Variants in RNF157 observed in about 807,000 individuals in gnomAD.
RNF157 encodes the protein E3 ubiquitin ligase RNF157.
In RNF157, 55 loss-of-function variants were observed where a neutral mutation model predicts 88.3. The ratio of observed to expected loss-of-function variants is 0.62; its 90% CI spans 0.50 to 0.78. The LOEUF is 0.78. Ranked by LOEUF, RNF157 falls within the 30% of genes least tolerant of loss-of-function variation. RNF157 has a pLI of 0.00. For synonymous variants in RNF157, 334 were observed against 341.2 expected, an observed-to-expected ratio of 0.98 and a Z score of 0.23; for missense variants, 788 against 860.8, an observed-to-expected ratio of 0.92 and a Z score of 1.06.
In RNF157 at chr17:76,161,685, A is replaced by G. The variant is rs762492987; in HGVS notation, c.953-38T>C. Reference sequence around the variant, plus strand: ...AAACAGGCAATCAGGACATCCTGATACAGGATTAAGAATGAACAAGAGCCC... The same window carrying G: ...AAACAGGCAATCAGGACATCCTGATGCAGGATTAAGAATGAACAAGAGCCC... On this transcript the variant is annotated intron_variant, in intron 10 of 18. Coordinates refer to ENST00000269391, the MANE Select transcript of RNF157 (RefSeq NM_052916.3). The surrounding 1 kb of genome is among the most constrained non-coding windows in gnomAD (Gnocchi z 4.6). 1.9e-6 allele frequency: 3 copies of G among 1,563,802 alleles called. No individual in the cohort carries two copies. The South Asian group carries it at 3.3e-5, about 17-fold the overall frequency.
Position 76,167,106 on chromosome 17 carries a change from C to G in RNF157, c.464G>C (p.Ser155Thr). Residue 155 changes from serine (S) to threonine (T), a missense_variant, in exon 5 of 19, where the codon AGC becomes ACC. Physicochemically the swap from Ser to Thr is moderately conservative, Grantham distance 58. Coordinates refer to ENST00000269391, the MANE Select transcript of RNF157 (RefSeq NM_052916.3). ...GIASYIPKDN[S>T]LQSETVQYKR... is the part of the protein sequence containing the mutation. ...GTACTGCACAGTCTCCGACTGGAGG[C>G]TGTTGTCTTTGGGAATGTAGCTATT... The G allele has an allele frequency of 1.2e-6, 2 of 1,612,542 alleles. No homozygotes were observed. Among genetic ancestry groups the G allele is most frequent in the Non-Finnish European group, 1.7e-6 (2 of 1,179,674 alleles).
intron 2 of RNF157, among the ~76,000 whole-genome samples, chr17:76,186,057 G>A (rs996759482): frequency 6.6e-6 from 1 of 152,206 alleles, no homozygotes; most frequent in East Asian, 1.9e-4. Context: ...TTTTAAAACA[G>A]AGGCATTTTT....
intron 3 of RNF157, among the ~76,000 whole-genome samples, chr17:76,169,422 T>C (rs957760472): frequency 3.9e-5 from 6 of 152,036 alleles, no homozygotes; most frequent in East Asian, 3.9e-4. Context: ...TTGTTTCCAA[T>C]TAGATTTTTT....
intron 2 of RNF157, among the ~76,000 whole-genome samples, chr17:76,210,451 GTA>G (rs1568065838): frequency 2.0e-5 from 3 of 151,276 alleles, no homozygotes; most frequent in Admixed American, 6.6e-5. Context: ...TTAGCCGGGT[GTA>G]GTGGCGGGTG....
intron 2 of RNF157, among the ~76,000 whole-genome samples, chr17:76,202,140 A>T (rs1023927709): frequency 2.8e-4 from 42 of 149,688 alleles, no homozygotes; most frequent in South Asian, 1.7e-3. Flanking sequence ...ACACACACAC[A>T]CACACACACA....
At chr17:76,207,010 A>C (rs544227877) in intron 2 of RNF157, among the ~76,000 whole-genome samples, 44 of 152,366 alleles carry the variant, frequency 2.9e-4, no homozygotes, top group Admixed American at 2.5e-3. Flanking sequence ...AAAGAGTTTA[A>C]TGGTAAGATA....
intron 12 of RNF157, among the ~76,000 whole-genome samples, chr17:76,158,818 G>T (rs1398015559): frequency 6.6e-6 from 1 of 152,208 alleles, no homozygotes; most frequent in Non-Finnish European, 1.5e-5. Flanking sequence ...TTGGGTGTCA[G>T]AAGCGCTAAG....
chr17:76,202,128 T>TCACACA (rs60491535), intron 2 of RNF157, among the ~76,000 whole-genome samples: 100 of 134,644 alleles, frequency 7.4e-4, no homozygotes, highest in Middle Eastern at 3.7e-3. Context: ...TCTCTCTCTC[T>TCACACA]CACACACACA....
intron 2 of RNF157, among the ~76,000 whole-genome samples, chr17:76,187,782 G>C (rs939157800): frequency 6.6e-6 from 1 of 151,950 alleles, no homozygotes; most frequent in Non-Finnish European, 1.5e-5. Context: ...ATTTTTAGTA[G>C]AGATAGGGTT....
Position 76,152,401 on chromosome 17 carries a change from G to C in RNF157, c.1875C>G (p.Ser625Arg). The C allele has an allele frequency of 6.2e-7, 1 of 1,613,748 alleles. No individual in the cohort carries two copies. Among genetic ancestry groups the C allele is most frequent in the Non-Finnish European group, 8.5e-7 (1 of 1,179,670 alleles). ...ACAGCTTATTGTCCAGTGCTTTCAC[G>C]CTTGCGATGTCAAAGTCATTGTTAT... ...CDNNNDFDIA[S>R]VKALDNKLCS... The change falls in exon 18 of 19, where the codon AGC becomes AGG. Residue 625 changes from serine (S) to arginine (R), a missense_variant. By Grantham distance (110) the Ser-to-Arg change is moderately radical. Coordinates refer to ENST00000269391, the MANE Select transcript of RNF157 (RefSeq NM_052916.3).
chr17:76,186,189 C>G lies in RNF157; in HGVS notation c.208-12399G>C, dbSNP rs1214434166. 2.0e-5 allele frequency among the ~76,000 whole-genome samples: 3 copies of G among 152,066 alleles called. No homozygotes were observed. The East Asian group carries it at 5.8e-4, about 29-fold the overall frequency. On this transcript the variant is annotated intron_variant, in intron 2 of 18. Transcript: ENST00000269391. ...AAAACTCCAAGCTGTCCTTTCATGT[C>G]CCATTAAAAAACATCGACTCTAAAA...
chr17:76,200,779 C>A (rs1218357219), intron 2 of RNF157, among the ~76,000 whole-genome samples: 2 of 152,168 alleles, frequency 1.3e-5, no homozygotes. Context: ...TCCTCTAGTT[C>A]TTTTACTGTC....
Position 76,176,100 on chromosome 17 carries a change from T to C in RNF157, c.208-2310A>G, listed in dbSNP as rs2069098703. On this transcript the variant is annotated intron_variant, in intron 2 of 18. Coordinates refer to ENST00000269391, the MANE Select transcript of RNF157 (RefSeq NM_052916.3). This position sits in a 1 kb window ranked among gnomAD's most constrained non-coding sequence, Gnocchi z 4.2. The stretch of plus-strand genomic sequence containing the variant: ...TTGTGCCTTGCTGGCCTTGCATTCA[T>C]GCAATCAGAGTCTACATGCAACACT... Among the ~76,000 whole-genome samples, 1 of 152,178 alleles carries C rather than the reference T, an allele frequency of 6.6e-6. No individual in the cohort carries two copies. Among genetic ancestry groups the C allele is most frequent in the South Asian group, 2.1e-4 (1 of 4,830 alleles).
At chr17:76,185,820 T>C (rs2069278126) in intron 2 of RNF157, among the ~76,000 whole-genome samples, 1 of 152,176 alleles carries the variant, frequency 6.6e-6, no homozygotes, top group Non-Finnish European at 1.5e-5. Context: ...CACTTCCTGA[T>C]TTCATTTGGT....
At chr17:76,206,214 G>C (rs1433603677) in intron 2 of RNF157, among the ~76,000 whole-genome samples, 1 of 152,018 alleles carries the variant, frequency 6.6e-6, no homozygotes, top group Non-Finnish European at 1.5e-5. Flanking sequence ...TTGGGCAACA[G>C]GGCAAGACCT....
chr17:76,214,241 G>A (rs746220066), intron 1 of RNF157, among the ~76,000 whole-genome samples: 2 of 152,182 alleles, frequency 1.3e-5, no homozygotes, highest in African/African-American at 4.8e-5. Flanking sequence ...CCCAGCTGGT[G>A]TCCTCTGCAG....
intron 1 of RNF157, among the ~76,000 whole-genome samples, chr17:76,227,364 G>A (rs1334654804): frequency 1.3e-5 from 2 of 151,318 alleles, no homozygotes; most frequent in Admixed American, 6.6e-5. Context: ...CAGGTGATCC[G>A]CCCACCTCAG....
At chr17:76,227,791 C>A (rs576601371) in intron 1 of RNF157, among the ~76,000 whole-genome samples, 3 of 152,042 alleles carry the variant, frequency 2.0e-5, no homozygotes, top group Non-Finnish European at 4.4e-5. Context: ...GCAGGAGAAT[C>A]GCTTGAACCC....
intron 12 of RNF157, 65 bp downstream of exon 12, chr17:76,159,270 C>T (rs2068811862): frequency 7.0e-7 from 1 of 1,421,134 alleles, no homozygotes; most frequent in African/African-American, 1.4e-5. Flanking sequence ...GGGCCAGCAC[C>T]AAGGAGGGAT....
Sources: allele counts gnomAD v4.1 joint callset (sites outside exome capture counted in the v4.1 genomes callset), GRCh38; gene constraint gnomAD v4.1.1; non-coding constraint Gnocchi (gnomAD v3.1); transcripts MANE v1.5; gene names NCBI Gene and HGNC (gene_info 2026-07-23, HGNC 2026-07-21).